SRGAP3: variants seen among roughly 807,000 people sequenced by gnomAD.
SRGAP3 encodes the protein SLIT-ROBO Rho GTPase activating protein 3.
Under a neutral mutation model 121.1 loss-of-function variants are expected in SRGAP3, and 39 were observed. The observed-to-expected ratio is 0.32, with a 90% confidence interval of 0.25 to 0.42. The LOEUF is 0.42. SRGAP3 is among the 10% of genes least tolerant of loss of function. SRGAP3 has a pLI of 1.00. For synonymous variants in SRGAP3, 601 were observed against 570.0 expected (o/e 1.05, Z -0.77); for missense variants, 1,213 against 1,470.6 (o/e 0.82, Z 2.86).
At position 9,030,497 on chromosome 3, in the gene SRGAP3, G is replaced by A. The variant is rs76942909; in HGVS notation, c.1539+2153C>T. On this transcript the variant is annotated intron_variant, in intron 12 of 21. Transcript: ENST00000383836. ...CCCCACTGGTAAAGGCCATGCTCCAGGCTCTAAAGAAGATTGACCAAAGCA... is the reference window on the plus strand; with the variant it reads ...CCCCACTGGTAAAGGCCATGCTCCAAGCTCTAAAGAAGATTGACCAAAGCA... 1.4e-3 allele frequency among the ~76,000 whole-genome samples: 214 copies of A among 152,324 alleles called. 1 individual carries two copies. Among genetic ancestry groups the A allele is most frequent in the African/African-American group, 4.9e-3 (205 of 41,578 alleles).
chr3:9,064,692 G>T (rs1946341058), intron 4 of SRGAP3, 111 bp from the exon 5 acceptor site: 3 of 1,271,302 alleles, frequency 2.4e-6, no homozygotes, highest in Non-Finnish European at 3.3e-6. Context: ...CACTGCCCTG[G>T]TCCCAAAACA....
chr3:9,332,264 T>C (rs1257295977), intron 1 of SRGAP3, among the ~76,000 whole-genome samples: 2 of 152,168 alleles, frequency 1.3e-5, no homozygotes, highest in East Asian at 3.8e-4. Context: ...GGATTACAGG[T>C]GTGCACCACC....
At chr3:9,023,884 G>A (rs972507585) in intron 14 of SRGAP3, among the ~76,000 whole-genome samples, 83 of 152,148 alleles carry the variant, frequency 5.5e-4, no homozygotes, top group African/African-American at 1.9e-3. Context: ...AAATCTCATT[G>A]TCTACAGATG....
At chr3:9,354,940 C>T (rs929330644) in intron 1 of SRGAP3, among the ~76,000 whole-genome samples, 4 of 152,146 alleles carry the variant, frequency 2.6e-5, no homozygotes, top group African/African-American at 9.7e-5. Context: ...TAGCAAGATC[C>T]ATTTTAGTCA....
At chr3:8,987,515 T>A (rs2124909767) in intron 21 of SRGAP3, among the ~76,000 whole-genome samples, 1 of 152,302 alleles carries the variant, frequency 6.6e-6, no homozygotes, top group East Asian at 1.9e-4. Flanking sequence ...CCCTGGTCTT[T>A]TACATTCTCT....
At chr3:9,201,446 G>A (rs185468453) in intron 1 of SRGAP3, among the ~76,000 whole-genome samples, 94 of 152,332 alleles carry the variant, frequency 6.2e-4, no homozygotes, top group Admixed American at 2.0e-3. Context: ...AACCTCCTAA[G>A]CAGAACTGCA....
At chr3:9,357,377 G>A (rs868493965) in intron 1 of SRGAP3, among the ~76,000 whole-genome samples, 1 of 151,878 alleles carries the variant, frequency 6.6e-6, no homozygotes, top group South Asian at 2.1e-4. Context: ...TCTCAACAAC[G>A]AAAGACATGT....
chr3:8,986,173 G>A (rs1941694820), intron 21 of SRGAP3, among the ~76,000 whole-genome samples: 1 of 152,198 alleles, frequency 6.6e-6, no homozygotes, highest in African/African-American at 2.4e-5. Flanking sequence ...AAAGAGGGCA[G>A]GCTCTGGAGT....
chr3:9,281,671 GT>G (rs1954682426), intron 3 of SRGAP3, among the ~76,000 whole-genome samples: 1 of 151,910 alleles, frequency 6.6e-6, no homozygotes, highest in African/African-American at 2.4e-5. Flanking sequence ...AGATACTTTT[GT>G]TTGTTTGTTT....
intron 10 of SRGAP3, among the ~76,000 whole-genome samples, chr3:9,041,122 A>G (rs1396809884): frequency 2.0e-5 from 3 of 152,396 alleles, no homozygotes; most frequent in East Asian, 3.9e-4. Flanking sequence ...CTGCAGCACA[A>G]TTGTACACAG....
upstream of SRGAP3, among the ~76,000 whole-genome samples, chr3:9,252,651 T>C (rs1954043726): frequency 6.6e-6 from 1 of 152,298 alleles, no homozygotes; most frequent in East Asian, 1.9e-4. Context: ...CCCAAGAAGA[T>C]GTGGGTGTGA....
At chr3:9,285,510 A>T (rs1465268321) in intron 3 of SRGAP3, among the ~76,000 whole-genome samples, 1 of 152,206 alleles carries the variant, frequency 6.6e-6, no homozygotes, top group East Asian at 1.9e-4. Flanking sequence ...ATCTCTGAAG[A>T]CACAGGGATG....
At chr3:9,215,369 G>GA (rs1952581641) in intron 1 of SRGAP3, among the ~76,000 whole-genome samples, 1 of 151,814 alleles carries the variant, frequency 6.6e-6, no homozygotes, top group African/African-American at 2.4e-5. Context: ...CCAGAGGTGG[G>GA]AGATTTTCTC....
At chr3:9,175,729 C>T (rs192081048) in intron 1 of SRGAP3, among the ~76,000 whole-genome samples, 87 of 152,328 alleles carry the variant, frequency 5.7e-4, no homozygotes, top group African/African-American at 1.7e-3. Context: ...AGACCATCAA[C>T]GGAAATCAAC....
At chr3:8,989,957 G>A (rs551170028) in intron 21 of SRGAP3, among the ~76,000 whole-genome samples, 1 of 152,274 alleles carries the variant, frequency 6.6e-6, no homozygotes, top group East Asian at 1.9e-4. Flanking sequence ...AAATACTTTG[G>A]ACCATTCCTT....
At chr3:9,178,471 A>G (rs765346741) in intron 1 of SRGAP3, among the ~76,000 whole-genome samples, 1 of 152,188 alleles carries the variant, frequency 6.6e-6, no homozygotes, top group Non-Finnish European at 1.5e-5. Flanking sequence ...TGGATTTTCC[A>G]ATCACATGAG....
chr3:9,277,095 A>C (rs1368017329), intron 3 of SRGAP3, among the ~76,000 whole-genome samples: 1 of 152,234 alleles, frequency 6.6e-6, no homozygotes, highest in Non-Finnish European at 1.5e-5. Flanking sequence ...ATAAAAGATT[A>C]TCTTGAGGGT....
intron 3 of SRGAP3, among the ~76,000 whole-genome samples, chr3:9,260,260 T>C (rs1477408762): frequency 6.6e-6 from 1 of 152,106 alleles, no homozygotes; most frequent in Non-Finnish European, 1.5e-5. Context: ...CAGGAGTTTT[T>C]TTCGTACCCC....
chr3:9,080,822 C>T (rs137985276), intron 3 of SRGAP3, among the ~76,000 whole-genome samples: 2 of 152,310 alleles, frequency 1.3e-5, no homozygotes, highest in African/African-American at 4.8e-5. Flanking sequence ...CACTGTCTCC[C>T]ATCACCCCCA....
Sources: gnomAD v4.1 joint callset for allele counts (sites outside exome capture counted in the v4.1 genomes callset) on GRCh38, gnomAD v4.1.1 for gene constraint, MANE v1.5 for transcripts, NCBI Gene and HGNC (gene_info 2026-07-23, HGNC 2026-07-21) for gene names.